AFG1L: variants seen among roughly 807,000 people sequenced by gnomAD.
The protein encoded by AFG1L is AFG1-like ATPase.
AFG1L carries 53 observed loss-of-function variants against 62.2 expected under a neutral mutation model. That is an observed-to-expected ratio of 0.85 (90% CI 0.68 to 1.07). The LOEUF (loss-of-function observed/expected upper bound fraction) is 1.07, where lower values mean the gene tolerates loss of function less well. Among genes scored for constraint, AFG1L ranks in the 50% least tolerant of loss-of-function variants. AFG1L has a pLI of 0.00. For synonymous variants in AFG1L, 228 were observed against 210.3 expected, an observed-to-expected ratio of 1.08 and a Z score of -0.73; for missense variants, 555 against 590.5, an observed-to-expected ratio of 0.94 and a Z score of 0.62.
chr6:108,455,868 T>C (rs1772234976), intron 8 of AFG1L, among the ~76,000 whole-genome samples: 1 of 152,196 alleles, frequency 6.6e-6, no homozygotes, highest in African/African-American at 2.4e-5. Flanking sequence ...ATATGATGCA[T>C]CTTGGAACAA....
chr6:108,384,710 G>C (rs1366839793), intron 6 of AFG1L, among the ~76,000 whole-genome samples: 1 of 152,098 alleles, frequency 6.6e-6, no homozygotes, highest in Admixed American at 6.5e-5. Context: ...AAGAAAATAT[G>C]TTCAGAATGA....
At chr6:108,326,941 C>T (rs998578085) in intron 2 of AFG1L, among the ~76,000 whole-genome samples, 1 of 151,180 alleles carries the variant, frequency 6.6e-6, no homozygotes, top group Non-Finnish European at 1.5e-5. Flanking sequence ...CAGTGAGACT[C>T]CGTCTCAAAA....
At chr6:108,375,915 A>T (rs1780224279) in intron 6 of AFG1L, among the ~76,000 whole-genome samples, 1 of 151,996 alleles carries the variant, frequency 6.6e-6, no homozygotes, top group South Asian at 2.1e-4. Context: ...TGTCTGGTAG[A>T]ATTTGTGTGA....
intron 8 of AFG1L, among the ~76,000 whole-genome samples, chr6:108,473,959 T>C (rs1003952782): frequency 3.3e-5 from 5 of 152,238 alleles, no homozygotes; most frequent in African/African-American, 4.8e-5. Flanking sequence ...TGTTGTTTGC[T>C]GCACCGATCA....
chr6:108,463,286 CAAAAAAAAAAAAA>C (rs56937746), intron 8 of AFG1L, among the ~76,000 whole-genome samples: 7 of 40,528 alleles, frequency 1.7e-4, no homozygotes, highest in East Asian at 7.5e-4. Context: ...GAGACTCTGT[CAAAAAAAAAAAAA>C]AAAAAAAAAA....
At chr6:108,305,573 C>T (rs565450188) in intron 1 of AFG1L, among the ~76,000 whole-genome samples, 7 of 151,384 alleles carry the variant, frequency 4.6e-5, no homozygotes, top group South Asian at 2.1e-4. Flanking sequence ...ATTTTTTTTT[C>T]GTGAACCTCT....
In AFG1L at chr6:108,468,759, CTT is replaced by C. The variant is rs34963344; in HGVS notation, c.891-8093_891-8092del. 3.7e-3 allele frequency among the ~76,000 whole-genome samples: 507 copies of C among 138,782 alleles called. 2 individuals carry two copies. Among genetic ancestry groups the C allele is most frequent in the Middle Eastern group, 0.019 (5 of 268 alleles). The allele number at this position is 138,782 out of a possible 152,430, so 91.0% of individuals were successfully genotyped here. On this transcript the variant is annotated intron_variant, in intron 8 of 12. Transcript: ENST00000368977. ...TTCTTTTGTTTTCTCTTCTATTTTCCTTTTTTTTTTTTTTGGTCTTTTTGTTC... is the reference window on the plus strand; with the variant it reads ...TTCTTTTGTTTTCTCTTCTATTTTCCTTTTTTTTTTTTGGTCTTTTTGTTC...
chr6:108,450,161 C>T (rs957458003), intron 8 of AFG1L, among the ~76,000 whole-genome samples: 1 of 152,286 alleles, frequency 6.6e-6, no homozygotes, highest in South Asian at 2.1e-4. Flanking sequence ...GTTCTAGATC[C>T]CTGAGGAGTC....
intron 10 of AFG1L, among the ~76,000 whole-genome samples, chr6:108,501,440 G>A (rs1170114989): frequency 6.6e-6 from 1 of 152,208 alleles, no homozygotes; most frequent in Non-Finnish European, 1.5e-5. Flanking sequence ...GAAGCTAGAT[G>A]AAATTAGTAG....
intron 10 of AFG1L, among the ~76,000 whole-genome samples, chr6:108,507,529 T>G (rs1582680420): frequency 1.3e-5 from 2 of 152,196 alleles, no homozygotes; most frequent in South Asian, 4.1e-4. Context: ...GGCAAAATTC[T>G]GATTTTTCAG....
At chr6:108,352,133 A>C (rs1779106005) in intron 3 of AFG1L, among the ~76,000 whole-genome samples, 1 of 151,878 alleles carries the variant, frequency 6.6e-6, no homozygotes, top group Non-Finnish European at 1.5e-5. Context: ...TCTCTCCCAC[A>C]TTTTCCACAT....
chr6:108,307,228 G>C (rs1042217477), intron 1 of AFG1L, among the ~76,000 whole-genome samples: 9 of 151,688 alleles, frequency 5.9e-5, no homozygotes, highest in Non-Finnish European at 1.0e-4. Flanking sequence ...TGGCCAGGCT[G>C]GTCTAGAACT....
chr6:108,422,898 G>A (rs1770665457), intron 7 of AFG1L, among the ~76,000 whole-genome samples: 1 of 151,980 alleles, frequency 6.6e-6, no homozygotes, highest in Admixed American at 6.6e-5. Context: ...GCTCTGAGAT[G>A]CTTTTGGCTA....
At chr6:108,448,177 A>C (rs1034817373) in intron 8 of AFG1L, among the ~76,000 whole-genome samples, 2 of 152,190 alleles carry the variant, frequency 1.3e-5, no homozygotes, top group African/African-American at 4.8e-5. Context: ...CAAGGGGACT[A>C]TTTTAGTTTA....
At chr6:108,467,938 A>G (rs1309367148) in intron 8 of AFG1L, among the ~76,000 whole-genome samples, 2 of 152,188 alleles carry the variant, frequency 1.3e-5, no homozygotes, top group Non-Finnish European at 2.9e-5. Context: ...ATGTCAGAAG[A>G]CTGCAGGTTT....
intron 6 of AFG1L, among the ~76,000 whole-genome samples, chr6:108,376,887 A>T (rs750513833): frequency 3.9e-5 from 6 of 152,054 alleles, no homozygotes; most frequent in Non-Finnish European, 8.8e-5. Context: ...TTGTAAGTTT[A>T]TAGGTACTTG....
At position 108,391,496 on chromosome 6, in the gene AFG1L, CTTGT is replaced by C. The variant is rs1562128137; in HGVS notation, c.749-10496_749-10493del. 5.9e-5 allele frequency among the ~76,000 whole-genome samples: 9 copies of C among 151,956 alleles called. No individual in the cohort carries two copies. In the Middle Eastern group the frequency reaches 0.01, roughly 172 times the overall value. On this transcript the variant is annotated intron_variant, in intron 6 of 12. Transcript: ENST00000368977. ...GGATTATTTATTTTTTTCTTGCCAA[CTTGT>C]TTGAGTTCCTTGTAGATTCTGGATA...
chr6:108,445,633 TGAGAGAGAGAGAGAGAGAGAGA>T (rs59323063), intron 7 of AFG1L, among the ~76,000 whole-genome samples: 37 of 130,146 alleles, frequency 2.8e-4, no homozygotes, highest in Admixed American at 1.5e-3. Flanking sequence ...ACACCTAAGG[TGAGAGAGAGAGAGAGAGAGAGA>T]GAGAGAGAGA....
chr6:108,517,823 C>A (rs2114914882), intron 11 of AFG1L, among the ~76,000 whole-genome samples: 1 of 152,244 alleles, frequency 6.6e-6, no homozygotes, highest in East Asian at 1.9e-4. Flanking sequence ...AAACAACAAA[C>A]CCATCAAAAA....
Sources: gnomAD v4.1 joint callset for allele counts (sites outside exome capture counted in the v4.1 genomes callset) on GRCh38, gnomAD v4.1.1 for gene constraint, MANE v1.5 for transcripts, NCBI Gene and HGNC (gene_info 2026-07-23, HGNC 2026-07-21) for gene names.